DNAH14: variants seen among roughly 807,000 people sequenced by gnomAD.
The protein encoded by DNAH14 is axonemal beta dynein heavy chain 14.
Under a neutral mutation model 520.9 loss-of-function variants are expected in DNAH14, and 478 were observed. The ratio of observed to expected loss-of-function variants is 0.92; its 90% confidence interval spans 0.85 to 0.99. The LOEUF (loss-of-function observed/expected upper bound fraction) is 0.99, where lower values mean the gene tolerates loss of function less well. DNAH14 is among the 50% of genes least tolerant of loss of function. The probability of loss-of-function intolerance (pLI) is 0.00; values close to 1 mark genes in which losing one functional copy is unlikely to be tolerated. For missense variants in DNAH14, 4,831 were observed against 5,234.5 expected, an observed-to-expected ratio of 0.92 and a Z score of 2.38; for synonymous variants, 1,581 against 1,757.2, an observed-to-expected ratio of 0.90 and a Z score of 2.51.
chr1:225,196,425 C>T (rs1313389736), intron 38 of DNAH14, among the ~76,000 whole-genome samples: 1 of 152,106 alleles, frequency 6.6e-6, no homozygotes, highest in African/African-American at 2.4e-5. Context: ...GATTGATGGG[C>T]ATTTGGGTTG....
At chr1:225,155,250 G>GA (rs920120546) in intron 34 of DNAH14, among the ~76,000 whole-genome samples, 14 of 151,758 alleles carry the variant, frequency 9.2e-5, no homozygotes, top group South Asian at 6.2e-4. Context: ...ATTTAAAATT[G>GA]AAAAAAAGAT....
intron 1 of DNAH14, among the ~76,000 whole-genome samples, chr1:224,933,889 TTTG>T (rs1298685344): frequency 6.6e-6 from 1 of 152,108 alleles, no homozygotes. Context: ...TGTCTTCTTT[TTTG>T]TTGTTGTTGT....
intron 28 of DNAH14, among the ~76,000 whole-genome samples, chr1:225,142,384 T>C (rs2079538199): frequency 6.6e-6 from 1 of 152,206 alleles, no homozygotes; most frequent in African/African-American, 2.4e-5. Flanking sequence ...CACAGCAATG[T>C]ACAACATCTA....
At chr1:225,348,270 CAGA>C (rs201478078) in intron 71 of DNAH14, among the ~76,000 whole-genome samples, 1,935 of 151,662 alleles carry the variant, frequency 0.013, 41 homozygotes, top group African/African-American at 0.044. Flanking sequence ...ATGGCACTCC[CAGA>C]AGAAGAAAAA....
In DNAH14 at chr1:225,289,929, C is replaced by A; in HGVS notation, c.8316C>A (p.Ala2772=). 6.7e-7 allele frequency: 1 copy of A among 1,492,338 alleles called. No homozygotes were observed. Among genetic ancestry groups the A allele is most frequent in the Non-Finnish European group, 9.0e-7 (1 of 1,115,850 alleles). The allele number at this position is 1,492,338 out of a possible 1,614,324, so 92.4% of individuals were successfully genotyped here. The change falls in exon 55 of 86, where the codon GCC becomes GCA. Residue 2772 remains alanine (A), a synonymous_variant. Coordinates refer to ENST00000682510, the MANE Select transcript of DNAH14 (RefSeq NM_001367479.1). ...GCGKKTCATL[A]CYLTDNKLYR... ...GGAAAAAAACATGTGCAACCTTGGC[C>A]TGTTATTTGACAGATAATAAACTAT...
At chr1:225,007,623 A>G (rs1348540958) in intron 10 of DNAH14, 79 bp downstream of exon 10, 25 of 1,217,710 alleles carry the variant, frequency 2.1e-5, no homozygotes, top group Non-Finnish European at 2.6e-5. Flanking sequence ...CATCCCTGGA[A>G]AAAGTATCTG....
chr1:225,134,503 C>T (rs1369186251), intron 27 of DNAH14, among the ~76,000 whole-genome samples: 3 of 152,092 alleles, frequency 2.0e-5, no homozygotes, highest in Non-Finnish European at 4.4e-5. Context: ...GTCTTTAGTT[C>T]TCTTTATGTG....
chr1:225,321,452 G>A (rs2150200588), intron 61 of DNAH14, among the ~76,000 whole-genome samples: 1 of 152,310 alleles, frequency 6.6e-6, no homozygotes, highest in East Asian at 1.9e-4. Context: ...TTCTAGTTGT[G>A]AAATTCAAGG....
intron 84 of DNAH14, 69 bp downstream of exon 84, chr1:225,392,520 T>G: frequency 6.6e-7 from 1 of 1,524,992 alleles, no homozygotes; most frequent in South Asian, 1.3e-5. Flanking sequence ...CAATCAATTG[T>G]GCCCTTTACA....
At chr1:225,389,906 T>C in intron 83 of DNAH14, 33 bp downstream of exon 83, 2 of 1,547,290 alleles carry the variant, frequency 1.3e-6, no homozygotes, top group African/African-American at 2.7e-5. Flanking sequence ...GCTCCAGACC[T>C]GGCCCAGGCA....
At chr1:225,025,458 A>C (rs916450671) in intron 11 of DNAH14, among the ~76,000 whole-genome samples, 1 of 151,460 alleles carries the variant, frequency 6.6e-6, no homozygotes, top group East Asian at 2.0e-4. Context: ...TTGGCTGGGC[A>C]TGGTGGTTCA....
At chr1:225,164,790 C>G (rs1053001838) in intron 35 of DNAH14, among the ~76,000 whole-genome samples, 25 of 152,100 alleles carry the variant, frequency 1.6e-4, no homozygotes, top group African/African-American at 5.3e-4. Flanking sequence ...GTCTTCCCCA[C>G]ACTTCCACTC....
chr1:225,046,090 T>C (rs2067931875), intron 15 of DNAH14, among the ~76,000 whole-genome samples: 1 of 151,550 alleles, frequency 6.6e-6, no homozygotes, highest in Non-Finnish European at 1.5e-5. Flanking sequence ...TTCACTAATA[T>C]TTGCATATAT....
chr1:225,062,811 G>T (rs908602188), intron 17 of DNAH14, among the ~76,000 whole-genome samples: 39 of 152,064 alleles, frequency 2.6e-4, no homozygotes, highest in African/African-American at 8.7e-4. Flanking sequence ...CCCTTCCAAA[G>T]ATTAAAGATA....
Position 225,123,545 on chromosome 1 carries a change from T to C in DNAH14, c.4185T>C (p.Ile1395=). Residue 1395 remains isoleucine (I), a synonymous_variant, in exon 27 of 86, where the codon ATT becomes ATC. Transcript: ENST00000682510. Reference sequence around the variant, plus strand: ...TTTGTAGATTTTTAAGTCAAGGGATTGAAGACTGGAACTGCCAGATGTTTT... The same window carrying C: ...TTTGTAGATTTTTAAGTCAAGGGATCGAAGACTGGAACTGCCAGATGTTTT... ...DVLKKFLSQG[I]EDWNCQMFSQ... is the part of the protein sequence containing the mutation. 2.3e-6 allele frequency: 1 copy of C among 428,968 alleles called. No individual in the cohort carries two copies. The highest frequency in any genetic ancestry group is 4.9e-6 in the Non-Finnish European group (1 of 205,632). 26.6% of individuals were successfully genotyped at this position (428,968 alleles called of 1,614,324 possible). A position where few individuals can be genotyped will look rare whatever the true frequency, so the allele number is the denominator to read the frequency against.
chr1:225,371,538 C>T (rs1055141949), intron 77 of DNAH14, among the ~76,000 whole-genome samples: 2 of 152,094 alleles, frequency 1.3e-5, no homozygotes, highest in Non-Finnish European at 2.9e-5. Context: ...CCCATTATCA[C>T]CACTGTCATT....
intron 43 of DNAH14, among the ~76,000 whole-genome samples, chr1:225,251,738 A>C (rs1352277255): frequency 6.6e-6 from 1 of 152,158 alleles, no homozygotes; most frequent in African/African-American, 2.4e-5. Flanking sequence ...ATAAGAAAAC[A>C]CAATTTTTCA....
chr1:225,206,254 A>G, intron 40 of DNAH14, 75 bp downstream of exon 40: 2 of 1,271,006 alleles, frequency 1.6e-6, no homozygotes, highest in South Asian at 3.2e-5. Flanking sequence ...TATTTACAGC[A>G]TTTTATGTTT....
intron 8 of DNAH14, among the ~76,000 whole-genome samples, chr1:224,987,970 A>G (rs1242401717): frequency 1.3e-5 from 2 of 152,080 alleles, no homozygotes; most frequent in Admixed American, 6.6e-5. Flanking sequence ...AATGTGTGCC[A>G]TGGTGGTTTG....
Sources: gnomAD v4.1 joint callset for allele counts (sites outside exome capture counted in the v4.1 genomes callset) on GRCh38, gnomAD v4.1.1 for gene constraint, MANE v1.5 for transcripts, NCBI Gene and HGNC (gene_info 2026-07-23, HGNC 2026-07-21) for gene names.